KDM6B: variants seen among roughly 807,000 people sequenced by gnomAD.
KDM6B encodes the protein lysine demethylase 6B.
KDM6B carries 22 observed loss-of-function variants against 150.4 expected under a neutral mutation model. That is an observed-to-expected ratio of 0.15 (90% confidence interval 0.10 to 0.21). KDM6B has a LOEUF of 0.21. Among genes scored for constraint, KDM6B ranks in the 10% least tolerant of loss-of-function variants. The pLI is 1.00. For missense variants in KDM6B, 1,984 were observed against 2,234.3 expected, an observed-to-expected ratio of 0.89 and a Z score of 2.26; for synonymous variants, 1,148 against 921.1, an observed-to-expected ratio of 1.25 and a Z score of -4.46.
At chr17:7,834,935 C>T (rs1037289767) in intron 1 of KDM6B, among the ~76,000 whole-genome samples, 9 of 152,158 alleles carry the variant, frequency 5.9e-5, no homozygotes, top group African/African-American at 2.2e-4. Context: ...ATCCCTAGTC[C>T]TTCTCCCACT....
chr17:7,845,407 G>A lies in KDM6B; in HGVS notation c.-55G>A. 1 of 968,772 alleles carries A rather than the reference G, an allele frequency of 1.0e-6. No individual in the cohort carries two copies. The highest frequency in any genetic ancestry group is 1.3e-5 in the South Asian group (1 of 76,468). 60.0% of individuals were successfully genotyped at this position (968,772 alleles called of 1,614,324 possible). A position where few individuals can be genotyped will look rare whatever the true frequency, so the allele number is the denominator to read the frequency against. The stretch of plus-strand genomic sequence containing the variant: ...CGGACCATCGTCCCAGAGAGCTGGG[G>A]CAGGGGGCCGTGCCCAATCTCCAGG... On this transcript the variant is annotated 5_prime_UTR_variant, in exon 4 of 24. Transcript: ENST00000448097.
At position 7,845,000 on chromosome 17, in the gene KDM6B, G is replaced by A. The variant is rs1423499031; in HGVS notation, c.-169G>A. On this transcript the variant is annotated 5_prime_UTR_variant, in exon 3 of 24. Coordinates refer to ENST00000448097, the MANE Select transcript of KDM6B (RefSeq NM_001348716.2). The surrounding 1 kb of genome is among the most constrained non-coding windows in gnomAD (Gnocchi z 5.9). The stretch of plus-strand genomic sequence containing the variant: ...TCTGGAGCTTGCCGACGCGGTGTGA[G>A]GACGCTCCCACGGAGGCCGGGTAAG... The A allele has an allele frequency of 1.6e-5, 3 of 189,530 alleles. No homozygotes were observed. Among genetic ancestry groups the A allele is most frequent in the East Asian group, 1.3e-4 (1 of 7,754 alleles). 11.7% of individuals were successfully genotyped at this position (189,530 alleles called of 1,614,324 possible).
intron 18 of KDM6B, 34 bp downstream of exon 18, chr17:7,851,830 A>G (rs1362495605): frequency 2.6e-6 from 4 of 1,559,392 alleles, no homozygotes; most frequent in Non-Finnish European, 2.6e-6. Flanking sequence ...TGATGCTGGA[A>G]GCGCGAGAGG....
Position 7,851,502 on chromosome 17 carries a change from T to C in KDM6B, c.3969T>C (p.His1323=), listed in dbSNP as rs1335222252. The change falls in exon 17 of 24, where the codon CAT becomes CAC. Residue 1323 remains histidine (H), a synonymous_variant. Transcript: ENST00000448097. ...GCAGCGCACCAGACCCGAAGAACCA[T>C]CACATCATCAAGTTTGGCACCAACA... ...PPSSAPDPKN[H]HIIKFGTNID... The C allele has an allele frequency of 1.2e-6, 2 of 1,614,032 alleles. No homozygotes were observed. Among genetic ancestry groups the C allele is most frequent in the African/African-American group, 1.3e-5 (1 of 74,924 alleles).
chr17:7,843,441 T>C lies in KDM6B; in HGVS notation c.-268-1460T>C, dbSNP rs1164660693. Among the ~76,000 whole-genome samples, 1 of 152,200 alleles carries C rather than the reference T, an allele frequency of 6.6e-6. No homozygotes were observed. The highest frequency in any genetic ancestry group is 2.4e-5 in the African/African-American group (1 of 41,456). On this transcript the variant is annotated intron_variant, in intron 2 of 23. Transcript: ENST00000448097. The surrounding 1 kb of genome is among the most constrained non-coding windows in gnomAD (Gnocchi z 4.5). Reference sequence around the variant, plus strand: ...GCGGGGCCCAAGCGACCACAAGGGCTTGGCGGAGAGTGGCACGCAGGGACC... The same window carrying C: ...GCGGGGCCCAAGCGACCACAAGGGCCTGGCGGAGAGTGGCACGCAGGGACC...
rs369446888 is a variant in KDM6B at position 7,847,461 on chromosome 17, C to A, written c.1257+9C>A. 2.5e-6 allele frequency: 4 copies of A among 1,613,524 alleles called. No individual in the cohort carries two copies. In the African/African-American group the frequency reaches 5.3e-5, roughly 22 times the overall value. On this transcript the variant is annotated intron_variant, in intron 11 of 23. Transcript: ENST00000448097. ...AGCCGAACCCAGGCATTGTGAGTGACAACTGAGGGTGGAGGGGGGGATGGG... is the reference window on the plus strand; with the variant it reads ...AGCCGAACCCAGGCATTGTGAGTGAAAACTGAGGGTGGAGGGGGGGATGGG...
chr17:7,846,898 C>CACCACA lies in KDM6B; in HGVS notation c.791_792insACCACA (p.Pro264_Leu265insProHis), dbSNP rs1555588415. On this transcript the variant is annotated inframe_insertion, in exon 10 of 24. Transcript: ENST00000448097. ...CCACCACCACCACCACCACCACCAC[C>CACCACA]CCTGCCTGGCCTGGCTACCAGCCCC... 1 of 1,598,570 alleles carries CACCACA rather than the reference C, an allele frequency of 6.3e-7. No individual in the cohort carries two copies. Among genetic ancestry groups the CACCACA allele is most frequent in the African/African-American group, 1.3e-5 (1 of 74,592 alleles).
In KDM6B at chr17:7,845,903, C is replaced by G; in HGVS notation, c.169C>G (p.Pro57Ala). ...AGCCAGCATTGGGCAGCCCCCGCTT[C>G]CTGCTCCCCTACCCCCTTCACATGG... The part of the protein sequence containing the change: ...CSASIGQPPL[P>A]APLPPSHGSS... The change falls in exon 6 of 24, where the codon CCT becomes GCT. Residue 57 changes from proline (P) to alanine (A), a missense_variant. Physicochemically the swap from Pro to Ala is conservative, Grantham distance 27. This residue lies in a region of KDM6B where 337 missense variants were observed against 323.9 expected (regional missense o/e 1.04). Coordinates refer to ENST00000448097, the MANE Select transcript of KDM6B (RefSeq NM_001348716.2). 6.2e-7 allele frequency: 1 copy of G among 1,614,108 alleles called. No homozygotes were observed. The highest frequency in any genetic ancestry group is 8.5e-7 in the Non-Finnish European group (1 of 1,179,920).
chr17:7,849,927 C>G lies in KDM6B; in HGVS notation c.3547C>G (p.Pro1183Ala). ...GAAGCTGCCCCGGGAAAAACTCAAC[C>G]CCCCTACACCCAGCATCTATGTATG... ...EEKLPREKLNPPTPSIYLESK... is the reference protein window; with the variant it reads ...EEKLPREKLNAPTPSIYLESK... Residue 1183 changes from proline (P) to alanine (A), a missense_variant, in exon 13 of 24, where the codon CCC (proline) becomes GCC (alanine). By Grantham distance (27) the Pro-to-Ala change is conservative. Transcript: ENST00000448097. 1 of 1,613,566 alleles carries G rather than the reference C, an allele frequency of 6.2e-7. No homozygotes were observed. Among genetic ancestry groups the G allele is most frequent in the Non-Finnish European group, 8.5e-7 (1 of 1,180,022 alleles).
chr17:7,848,901 C>A lies in KDM6B; in HGVS notation c.2613C>A (p.Phe871Leu). Residue 871 changes from phenylalanine to leucine, a missense_variant, in exon 12 of 24, where the codon TTC (phenylalanine) becomes TTA (leucine). Coordinates refer to ENST00000448097, the MANE Select transcript of KDM6B (RefSeq NM_001348716.2). ...PQPSASSSSQ[F>L]STSGGPWARE... is the part of the protein sequence containing the mutation. ...CCTCTGCTTCCTCGTCATCTCAGTT[C>A]TCTACCTCAGGCGGGCCCTGGGCCC... 4 of 1,606,400 alleles carry A rather than the reference C, an allele frequency of 2.5e-6. No individual in the cohort carries two copies. The highest frequency in any genetic ancestry group is 3.4e-6 in the Non-Finnish European group (4 of 1,175,572).
chr17:7,839,206 C>T (rs531989043), intron 1 of KDM6B, among the ~76,000 whole-genome samples: 135 of 152,220 alleles, frequency 8.9e-4, no homozygotes, highest in African/African-American at 3.0e-3. Flanking sequence ...AGCTTCTTGT[C>T]TATGAGGGTT....
chr17:7,840,370 G>C (rs531278145), intron 2 of KDM6B: 1 of 152,272 alleles, frequency 6.6e-6, no homozygotes, highest in Admixed American at 6.5e-5. Context: ...ATTTTTTCTT[G>C]GTAGGGAAAC....
intron 2 of KDM6B, among the ~76,000 whole-genome samples, chr17:7,841,398 G>A (rs1323356794): frequency 1.3e-5 from 2 of 152,178 alleles, no homozygotes; most frequent in Admixed American, 1.3e-4. Flanking sequence ...GAGTCAGGAG[G>A]GTGGGCCTGC....
intron 2 of KDM6B, among the ~76,000 whole-genome samples, chr17:7,842,944 A>T (rs2078447841): frequency 6.6e-6 from 1 of 151,972 alleles, no homozygotes; most frequent in Non-Finnish European, 1.5e-5. Context: ...GGCGAGAATG[A>T]GTGTGTGTTT....
At chr17:7,850,496 A>C (rs2078669671) in intron 14 of KDM6B, among the ~76,000 whole-genome samples, 1 of 152,254 alleles carries the variant, frequency 6.6e-6, no homozygotes, top group Non-Finnish European at 1.5e-5. Flanking sequence ...GCAGAATTTC[A>C]AACACATACA....
Position 7,851,799 on chromosome 17 carries a change from G to C in KDM6B, c.4165+3G>C. On this transcript the variant is annotated splice_donor_region_variant and intron_variant, in intron 18 of 23. Coordinates refer to ENST00000448097, the MANE Select transcript of KDM6B (RefSeq NM_001348716.2). The stretch of plus-strand genomic sequence containing the variant: ...GGTGCCCGGCAGCCGAACGCCAGGT[G>C]CGCTCCACGCCTGTGCGCGCTGATG... 6.4e-7 allele frequency: 1 copy of C among 1,555,324 alleles called. No individual in the cohort carries two copies. Among genetic ancestry groups the C allele is most frequent in the Non-Finnish European group, 8.7e-7 (1 of 1,149,812 alleles).
Position 7,845,035 on chromosome 17 carries a change from CGT to C in KDM6B, c.-149+16_-149+17del. 5.3e-6 allele frequency: 1 copy of C among 189,854 alleles called. No individual in the cohort carries two copies. The highest frequency in any genetic ancestry group is 5.5e-5 in the Admixed American group (1 of 18,226). The allele number at this position is 189,854 out of a possible 1,614,324, so 11.8% of individuals were successfully genotyped here. A position where few individuals can be genotyped will look rare whatever the true frequency, so the allele number is the denominator to read the frequency against. On this transcript the variant is annotated intron_variant, in intron 3 of 23. Transcript: ENST00000448097. ...ACGGAGGCCGGGTAAGCGGCCGCTGCGTTTTGGGTCGGCCCAGTGGCTCCGGA... is the reference window on the plus strand; with the variant it reads ...ACGGAGGCCGGGTAAGCGGCCGCTGCTTTGGGTCGGCCCAGTGGCTCCGGA...
rs1193419053 is a variant in KDM6B at position 7,849,896 on chromosome 17, TGAG to T, written c.3520_3522del (p.Glu1174del). Reference sequence around the variant, plus strand: ...AGTCTGTGAAACCGAAGATCAACACTGAGGAGAAGCTGCCCCGGGAAAAACTCA... The same window carrying T: ...AGTCTGTGAAACCGAAGATCAACACTGAGAAGCTGCCCCGGGAAAAACTCA... On this transcript the variant is annotated inframe_deletion, in exon 13 of 24. Coordinates refer to ENST00000448097, the MANE Select transcript of KDM6B (RefSeq NM_001348716.2). 1.2e-5 allele frequency: 19 copies of T among 1,613,386 alleles called. No homozygotes were observed. The highest frequency in any genetic ancestry group is 1.6e-5 in the Non-Finnish European group (19 of 1,180,012).
chr17:7,849,212 G>T lies in KDM6B; in HGVS notation c.2924G>T (p.Arg975Leu). 6.3e-7 allele frequency: 1 copy of T among 1,594,620 alleles called. No homozygotes were observed. The highest frequency in any genetic ancestry group is 8.5e-7 in the Non-Finnish European group (1 of 1,170,284). ...GCAGTGTCAGGCAGCTGTAAGCGGC[G>T]ACAGAAGGAGCATCAGAAGGAGCAT... ...VAAVSGSCKR[R>L]QKEHQKEHRR... is the part of the protein sequence containing the mutation. The change falls in exon 12 of 24, where the codon CGA becomes CTA. Residue 975 changes from arginine to leucine, a missense_variant. This residue lies in a region of KDM6B where 1,379 missense variants were observed against 1,275.6 expected (regional missense o/e 1.08). Coordinates refer to ENST00000448097, the MANE Select transcript of KDM6B (RefSeq NM_001348716.2).
Sources: allele counts gnomAD v4.1 joint callset (sites outside exome capture counted in the v4.1 genomes callset), GRCh38; gene constraint gnomAD v4.1.1; regional missense constraint gnomAD v4.1.1; non-coding constraint Gnocchi (gnomAD v3.1); transcripts MANE v1.5; gene names NCBI Gene and HGNC (gene_info 2026-07-23, HGNC 2026-07-21).